The following KIRREL3 variants were observed in gnomAD, a reference collection of about 807,000 sequenced individuals.
The protein encoded by KIRREL3 is kirre like nephrin family adhesion molecule 3.
KIRREL3 carries 36 observed loss-of-function variants against 89.7 expected under a neutral mutation model. The observed-to-expected ratio is 0.40, with a 90% CI of 0.31 to 0.53. The LOEUF is 0.53. Ranked by LOEUF, KIRREL3 falls within the 20% of genes least tolerant of loss-of-function variation. The pLI, the probability that KIRREL3 is intolerant of heterozygous loss-of-function variation, is 0.49. For synonymous variants in KIRREL3, 445 were observed against 441.4 expected (o/e 1.01, Z -0.10); for missense variants, 864 against 1,056.6 (o/e 0.82, Z 2.53).
At chr11:126,936,552 C>T (rs1035686741) in intron 1 of KIRREL3, 1 of 133,646 alleles carries the variant, frequency 7.5e-6, no homozygotes, top group African/African-American at 2.8e-5. Flanking sequence ...AAATGCTATT[C>T]AGCAAAAAAA....
chr11:126,473,783 G>A (rs889685514), intron 4 of KIRREL3, among the ~76,000 whole-genome samples: 8 of 152,036 alleles, frequency 5.3e-5, no homozygotes, highest in African/African-American at 1.9e-4. Flanking sequence ...GGCGATGTCT[G>A]TGGCTGCTTT....
intron 1 of KIRREL3, among the ~76,000 whole-genome samples, chr11:126,893,147 C>T (rs757218947): frequency 2.6e-5 from 4 of 152,180 alleles, no homozygotes; most frequent in Non-Finnish European, 4.4e-5. Context: ...GGACTGCCCA[C>T]GCTTCCCTCA....
intron 10 of KIRREL3, among the ~76,000 whole-genome samples, chr11:126,442,125 T>C (rs1693405664): frequency 1.3e-5 from 2 of 151,194 alleles, no homozygotes; most frequent in African/African-American, 2.4e-5. Flanking sequence ...ACAAAAATTT[T>C]TAGTATTTAT....
rs1217398163 is a variant in KIRREL3 at position 126,990,748 on chromosome 11, T to C, written c.55+9707A>G. On this transcript the variant is annotated intron_variant, in intron 1 of 16. Transcript: ENST00000525144. This position sits in a 1 kb window ranked among gnomAD's most constrained non-coding sequence, Gnocchi z 6.3. ...GAAGAAACAGAACTCCTTGTGAATG[T>C]GGGGTGGACCCCAGCGTCCTCTAGC... Among the ~76,000 whole-genome samples the C allele has an allele frequency of 6.6e-6, 1 of 152,224 alleles. No homozygotes were observed. Among genetic ancestry groups the C allele is most frequent in the Non-Finnish European group, 1.5e-5 (1 of 68,040 alleles).
intron 1 of KIRREL3, among the ~76,000 whole-genome samples, chr11:126,572,422 T>A (rs1240914070): frequency 6.6e-6 from 1 of 152,214 alleles, no homozygotes; most frequent in East Asian, 1.9e-4. Flanking sequence ...TTTCCTAAAG[T>A]CACACAACTG....
rs557878310 is a variant in KIRREL3 at position 126,563,596 on chromosome 11, C to T, written c.56-684G>A. Among the ~76,000 whole-genome samples the T allele has an allele frequency of 2.0e-4, 31 of 152,144 alleles. No homozygotes were observed. The highest frequency in any genetic ancestry group is 4.6e-4 in the Admixed American group (7 of 15,284). ...AAATGTAGACTTAGAGCACAGGGGT[C>T]GAGATAGCTGAGAGACACGGACTCC... On this transcript the variant is annotated intron_variant, in intron 1 of 16. Transcript: ENST00000525144. This position sits in a 1 kb window ranked among gnomAD's most constrained non-coding sequence, Gnocchi z 6.8.
At chr11:126,923,726 G>C (rs1007132069) in intron 1 of KIRREL3, among the ~76,000 whole-genome samples, 2 of 152,076 alleles carry the variant, frequency 1.3e-5, no homozygotes, top group African/African-American at 4.8e-5. Flanking sequence ...TTACAGGCAT[G>C]AGCCACCGCA....
intron 1 of KIRREL3, among the ~76,000 whole-genome samples, chr11:126,716,391 G>A (rs573750209): frequency 6.6e-6 from 1 of 152,202 alleles, no homozygotes; most frequent in Non-Finnish European, 1.5e-5. Context: ...ATTTTTATAG[G>A]TGAGGGATGG....
At chr11:126,971,258 G>C (rs1237271311) in intron 1 of KIRREL3, among the ~76,000 whole-genome samples, 1 of 152,170 alleles carries the variant, frequency 6.6e-6, no homozygotes, top group Non-Finnish European at 1.5e-5. Flanking sequence ...GTATGCTTCT[G>C]ATTCTTGAAT....
At position 126,849,093 on chromosome 11, in the gene KIRREL3, G is replaced by A. The variant is rs1944247577; in HGVS notation, c.55+151362C>T. On this transcript the variant is annotated intron_variant, in intron 1 of 16. Transcript: ENST00000525144. ...GCATTCTTAATCACAGAGTGAGATAGGAGGTCGACACAAGAGGCAGGTCAT... is the reference window on the plus strand; with the variant it reads ...GCATTCTTAATCACAGAGTGAGATAAGAGGTCGACACAAGAGGCAGGTCAT... 2.0e-5 allele frequency among the ~76,000 whole-genome samples: 3 copies of A among 152,188 alleles called. No homozygotes were observed. In the South Asian group the frequency reaches 6.2e-4, roughly 32 times the overall value.
chr11:126,654,453 G>A (rs1945041999), intron 1 of KIRREL3, among the ~76,000 whole-genome samples: 1 of 151,890 alleles, frequency 6.6e-6, no homozygotes, highest in African/African-American at 2.4e-5. Flanking sequence ...TGTTGAAGGT[G>A]GAGGGAGATA....
chr11:126,693,629 A>ACACACC (rs1946969889), intron 1 of KIRREL3, among the ~76,000 whole-genome samples: 1 of 151,568 alleles, frequency 6.6e-6, no homozygotes. Flanking sequence ...ACACACACAC[A>ACACACC]CACCCATAGT....
At chr11:126,444,614 A>G (rs1955716812) in intron 10 of KIRREL3, among the ~76,000 whole-genome samples, 1 of 152,146 alleles carries the variant, frequency 6.6e-6, no homozygotes, top group East Asian at 1.9e-4. Context: ...AACCAACAAA[A>G]AATTCTCACG....
At chr11:126,466,781 GC>G (rs1337737946) in intron 5 of KIRREL3, among the ~76,000 whole-genome samples, 1 of 152,130 alleles carries the variant, frequency 6.6e-6, no homozygotes, top group African/African-American at 2.4e-5. Context: ...ACTGAGCTTG[GC>G]TCTGGGGACA....
intron 1 of KIRREL3, among the ~76,000 whole-genome samples, chr11:126,929,950 C>G (rs78288328): frequency 1.0e-4 from 1 of 9,902 alleles, no homozygotes; most frequent in African/African-American, 1.0e-3. Context: ...GGGGAGCCAC[C>G]CCCCCCCCCC....
chr11:126,449,823 T>C (rs1001000343), intron 7 of KIRREL3, among the ~76,000 whole-genome samples: 13 of 152,232 alleles, frequency 8.5e-5, no homozygotes, highest in Admixed American at 2.6e-4. Flanking sequence ...CCTGCTTCCA[T>C]GGGGTTCTGC....
In KIRREL3 at chr11:126,454,427, G is replaced by C. The variant is rs1448496747; in HGVS notation, c.848+1922C>G. Among the ~76,000 whole-genome samples the C allele has an allele frequency of 6.6e-6, 1 of 152,160 alleles. No homozygotes were observed. The highest frequency in any genetic ancestry group is 2.4e-5 in the African/African-American group (1 of 41,418). On this transcript the variant is annotated intron_variant, in intron 7 of 16. Transcript: ENST00000525144. This position sits in a 1 kb window ranked among gnomAD's most constrained non-coding sequence, Gnocchi z 5.8. The stretch of plus-strand genomic sequence containing the variant: ...CGAAAGTTGTGTGTCCTGGTCTCTG[G>C]GGCGCCCAACAGGCATTCTAAGGGT...
At position 126,975,927 on chromosome 11, in the gene KIRREL3, C is replaced by CCTCT. The variant is rs1284438438; in HGVS notation, c.55+24527_55+24528insAGAG. Among the ~76,000 whole-genome samples the CCTCT allele has an allele frequency of 5.5e-3, 609 of 110,932 alleles. 15 individuals carry two copies. Among genetic ancestry groups the CCTCT allele is most frequent in the African/African-American group, 0.019 (570 of 29,738 alleles). 72.8% of individuals were successfully genotyped at this position (110,932 alleles called of 152,430 possible). Reference sequence around the variant, plus strand: ...CCCTTCCTCCCTCCCTTCCTCCCTCCCTCCCTCCCTCCCTTCCTTCCTTCC... The same window carrying CCTCT: ...CCCTTCCTCCCTCCCTTCCTCCCTCCCTCTCTCCCTCCCTCCCTTCCTTCCTTCC... On this transcript the variant is annotated intron_variant, in intron 1 of 16. Coordinates refer to ENST00000525144, the MANE Select transcript of KIRREL3 (RefSeq NM_032531.4).
At position 126,424,678 on chromosome 11, in the gene KIRREL3, T is replaced by C; in HGVS notation, c.2239A>G (p.Ser747Gly). The change falls in exon 17 of 17, where the codon AGC (serine) becomes GGC (glycine). Residue 747 changes from serine to glycine, a missense_variant. Physicochemically the swap from Ser to Gly is moderately conservative, Grantham distance 56. Coordinates refer to ENST00000525144, the MANE Select transcript of KIRREL3 (RefSeq NM_032531.4). Reference sequence around the variant, plus strand: ...TGGGAGGAGGAAGCAGAAGCCTTGCTGGCCTTGTCGAACTGCACATAGCCA... The same window carrying C: ...TGGGAGGAGGAAGCAGAAGCCTTGCCGGCCTTGTCGAACTGCACATAGCCA... ...QDGYVQFDKA[S>G]KASASSSHHS... 6.2e-7 allele frequency: 1 copy of C among 1,614,070 alleles called. No homozygotes were observed. Among genetic ancestry groups the C allele is most frequent in the Non-Finnish European group, 8.5e-7 (1 of 1,179,898 alleles).
Sources: gnomAD v4.1 joint callset for allele counts (sites outside exome capture counted in the v4.1 genomes callset) on GRCh38, gnomAD v4.1.1 for gene constraint, Gnocchi (gnomAD v3.1) non-coding constraint, MANE v1.5 for transcripts, NCBI Gene and HGNC (gene_info 2026-07-23, HGNC 2026-07-21) for gene names.